The following COX7B2 variants were observed in gnomAD, a reference collection of about 807,000 sequenced individuals.
COX7B2 encodes cytochrome c oxidase subunit 7B2, mitochondrial.
For missense variants in COX7B2, 109 were observed against 95.9 expected (o/e 1.14, Z -0.57); for synonymous variants, 37 against 32.1 (o/e 1.15, Z -0.51).
At chr4:46,823,860 T>G (rs1296644934) in intron 2 of COX7B2, among the ~76,000 whole-genome samples, 3 of 149,828 alleles carry the variant, frequency 2.0e-5, no homozygotes, top group Non-Finnish European at 4.4e-5. Context: ...ATAGCAAGAC[T>G]GATCAAAAAG....
chr4:46,855,588 C>T (rs949586436), intron 1 of COX7B2, among the ~76,000 whole-genome samples: 4 of 151,566 alleles, frequency 2.6e-5, no homozygotes, highest in Admixed American at 2.6e-4. Flanking sequence ...GGTAAACTAT[C>T]CATGTATATT....
At chr4:46,779,670 C>T (rs1002811736) in intron 2 of COX7B2, among the ~76,000 whole-genome samples, 34 of 151,850 alleles carry the variant, frequency 2.2e-4, no homozygotes, top group Admixed American at 2.2e-3. Context: ...TCCTTTTCTC[C>T]ACACCCTCAC....
At chr4:46,791,913 G>T (rs1718069271) in intron 2 of COX7B2, among the ~76,000 whole-genome samples, 1 of 152,242 alleles carries the variant, frequency 6.6e-6, no homozygotes. Flanking sequence ...AAGAAAGATG[G>T]CTTCTTTTTT....
At chr4:46,751,783 C>A (rs890381237) in intron 2 of COX7B2, among the ~76,000 whole-genome samples, 26 of 151,178 alleles carry the variant, frequency 1.7e-4, no homozygotes, top group African/African-American at 5.8e-4. Context: ...AAAAAGAAAT[C>A]AGGAGCCAAT....
chr4:46,907,958 A>T (rs983410500), intron 1 of COX7B2, among the ~76,000 whole-genome samples: 2 of 147,256 alleles, frequency 1.4e-5, no homozygotes, highest in African/African-American at 5.1e-5. Flanking sequence ...GGTTCAAGCG[A>T]TTCTCCCGGC....
intron 2 of COX7B2, among the ~76,000 whole-genome samples, chr4:46,767,384 G>A (rs1387145745): frequency 1.3e-5 from 2 of 152,064 alleles, no homozygotes; most frequent in African/African-American, 4.8e-5. Flanking sequence ...CACAACTGAA[G>A]GGAAATAGAC....
At chr4:46,846,961 T>C (rs1716322386) in intron 1 of COX7B2, among the ~76,000 whole-genome samples, 1 of 151,980 alleles carries the variant, frequency 6.6e-6, no homozygotes, top group Admixed American at 6.6e-5. Context: ...TTTAGATATA[T>C]GAAATTTGAG....
At chr4:46,892,181 A>T (rs10050095) in intron 1 of COX7B2, among the ~76,000 whole-genome samples, 36,925 of 152,086 alleles carry the variant, frequency 0.24, 4,694 homozygotes, top group East Asian at 0.29. Context: ...CTGTGATATT[A>T]ACTACCGGGG....
chr4:46,790,823 ATACCT>A, intron 2 of COX7B2, among the ~76,000 whole-genome samples: 1 of 152,314 alleles, frequency 6.6e-6, no homozygotes, highest in South Asian at 2.1e-4. Context: ...AATTTTGATA[ATACCT>A]GATACTTGCT....
chr4:46,826,333 C>G (rs1047839909), intron 2 of COX7B2, among the ~76,000 whole-genome samples: 2 of 152,046 alleles, frequency 1.3e-5, no homozygotes, highest in African/African-American at 4.8e-5. Context: ...CATCTTACAC[C>G]AGTTAAAGTG....
intron 2 of COX7B2, among the ~76,000 whole-genome samples, chr4:46,813,553 C>T (rs1023439167): frequency 2.0e-5 from 3 of 152,032 alleles, no homozygotes; most frequent in African/African-American, 7.2e-5. Flanking sequence ...TGGGGCCTGT[C>T]GTGGGGTGGA....
chr4:46,894,161 CA>C (rs1411572261), intron 1 of COX7B2, among the ~76,000 whole-genome samples: 2 of 152,060 alleles, frequency 1.3e-5, no homozygotes, highest in Non-Finnish European at 2.9e-5. Context: ...TAGAAAAAAC[CA>C]TTTAAAAATT....
chr4:46,839,914 A>G (rs1347229341), intron 2 of COX7B2, among the ~76,000 whole-genome samples: 1 of 152,066 alleles, frequency 6.6e-6, no homozygotes, highest in Non-Finnish European at 1.5e-5. Flanking sequence ...AGAAACTTAT[A>G]CCATTAACTT....
rs182847404 is a variant in COX7B2, at chr4:46,762,790, A to T, written c.-49-27549T>A. Reference sequence around the variant, plus strand: ...ATGTTATTATCTTCATATACATATGAAAAAAAGGGAACAAGGAAAGTTTGC... The same window carrying T: ...ATGTTATTATCTTCATATACATATGTAAAAAAGGGAACAAGGAAAGTTTGC... On this transcript the variant is annotated intron_variant, in intron 2 of 2. Coordinates refer to ENST00000355591, the MANE Select transcript of COX7B2 (RefSeq NM_130902.3). 3.6e-3 allele frequency among the ~76,000 whole-genome samples: 541 copies of T among 148,340 alleles called. 11 individuals are homozygous for T. Among genetic ancestry groups the T allele is most frequent in the Admixed American group, 0.032 (459 of 14,400 alleles).
chr4:46,870,238 T>A (rs1717900676), intron 1 of COX7B2, among the ~76,000 whole-genome samples: 2 of 151,954 alleles, frequency 1.3e-5, no homozygotes, highest in Non-Finnish European at 1.5e-5. Context: ...AAAAACCACA[T>A]GATTACCTCA....
At chr4:46,812,915 G>A (rs893624865) in intron 2 of COX7B2, among the ~76,000 whole-genome samples, 4 of 152,152 alleles carry the variant, frequency 2.6e-5, no homozygotes, top group South Asian at 2.1e-4. Flanking sequence ...CAGGGTGCAG[G>A]CTGCTGCCTC....
intron 2 of COX7B2, among the ~76,000 whole-genome samples, chr4:46,825,607 G>T (rs1407132078): frequency 6.6e-6 from 1 of 152,102 alleles, no homozygotes; most frequent in East Asian, 1.9e-4. Flanking sequence ...AAAGCTGGAG[G>T]CATGAGGTTA....
At chr4:46,831,159 G>A (rs1715061006) in intron 2 of COX7B2, among the ~76,000 whole-genome samples, 1 of 151,994 alleles carries the variant, frequency 6.6e-6, no homozygotes. Flanking sequence ...CCAGCCCCGG[G>A]CAGTGAAAGG....
At chr4:46,839,106 C>T (rs1034793144) in intron 2 of COX7B2, among the ~76,000 whole-genome samples, 1 of 152,038 alleles carries the variant, frequency 6.6e-6, no homozygotes, top group East Asian at 1.9e-4. Context: ...TTATGGTCTG[C>T]TTCTGGCTTT....
Sources: allele counts gnomAD v4.1 joint callset (sites outside exome capture counted in the v4.1 genomes callset), GRCh38; gene constraint gnomAD v4.1.1; transcripts MANE v1.5; gene names NCBI Gene and HGNC (gene_info 2026-07-23, HGNC 2026-07-21).